Variants in ITGAE observed in about 807,000 individuals in gnomAD.
ITGAE encodes the protein integrin subunit alpha E, also known as integrin alpha-E.
In ITGAE, 99 loss-of-function variants were observed where a neutral mutation model predicts 136.5. The observed-to-expected ratio is 0.73, with a 90% CI of 0.62 to 0.86. ITGAE has a LOEUF of 0.86. ITGAE is among the 40% of genes least tolerant of loss of function. The probability of loss-of-function intolerance (pLI) is 0.00; values close to 1 mark genes in which losing one functional copy is unlikely to be tolerated. For missense variants in ITGAE, 1,447 were observed against 1,515.3 expected (o/e 0.95, Z 0.75); for synonymous variants, 613 against 591.8 (o/e 1.04, Z -0.52).
chr17:3,796,923 C>T (rs2053118656), intron 1 of ITGAE, among the ~76,000 whole-genome samples: 1 of 152,078 alleles, frequency 6.6e-6, no homozygotes, highest in Non-Finnish European at 1.5e-5. Flanking sequence ...GTCCCGACAC[C>T]CCGCCCAGAA....
chr17:3,799,884 G>T lies in ITGAE; in HGVS notation c.34+1227C>A, dbSNP rs1390279626. Among the ~76,000 whole-genome samples the T allele has an allele frequency of 6.6e-6, 1 of 152,200 alleles. No individual in the cohort carries two copies. Among genetic ancestry groups the T allele is most frequent in the Non-Finnish European group, 1.5e-5 (1 of 68,034 alleles). On this transcript the variant is annotated intron_variant, in intron 1 of 30. Transcript: ENST00000263087. The surrounding 1 kb of genome is among the most constrained non-coding windows in gnomAD (Gnocchi z 4.1). ...TCATGCCTGTAGTCCCAACACTTTG[G>T]GAGGCCGAGGCAGGTCGATCACCTG...
rs546892194 is a variant in ITGAE, at chr17:3,776,503, C to T, written c.155+1037G>A. On this transcript the variant is annotated intron_variant, in intron 2 of 30. Coordinates refer to ENST00000263087, the MANE Select transcript of ITGAE (RefSeq NM_002208.5). ...TTGCTCAGGCTATGCGGCAAATCCA[C>T]GGTGAAGCTGCCACTGAACCCTGGC... 3.3e-5 allele frequency among the ~76,000 whole-genome samples: 5 copies of T among 152,350 alleles called. No individual in the cohort carries two copies. In the South Asian group the frequency reaches 8.3e-4, roughly 25 times the overall value.
chr17:3,785,990 A>AC (rs1425680726), intron 1 of ITGAE, among the ~76,000 whole-genome samples: 13 of 151,834 alleles, frequency 8.6e-5, no homozygotes, highest in African/African-American at 3.1e-4. Context: ...ACACGGTGAA[A>AC]CCCCGTCTCT....
chr17:3,763,847 C>T (rs760892542), intron 3 of ITGAE, 22 bp downstream of exon 3: 4 of 1,595,190 alleles, frequency 2.5e-6, no homozygotes, highest in Admixed American at 3.3e-5. Context: ...GGGAGCATTC[C>T]CTGGAGTTGG....
chr17:3,753,316 C>T lies in ITGAE; in HGVS notation c.1642G>A (p.Val548Ile), dbSNP rs933509951. 2 of 1,614,024 alleles carry T rather than the reference C, an allele frequency of 1.2e-6. No individual in the cohort carries two copies. The highest frequency in any genetic ancestry group is 1.1e-5 in the South Asian group (1 of 91,090). ...TGCTCGCTGAGACGGTACACGTAGA[C>T]TCTGCCTTCTTCTCCATGAACGTGG... ...FYHVHGEEGR[V>I]YVYRLSEQDG... Residue 548 changes from valine to isoleucine, a missense_variant, in exon 14 of 31, where the codon GTC becomes ATC. Physicochemically the swap from Val to Ile is conservative, Grantham distance 29. Transcript: ENST00000263087.
chr17:3,783,113 T>C (rs778108418), intron 1 of ITGAE, among the ~76,000 whole-genome samples: 11 of 152,140 alleles, frequency 7.2e-5, no homozygotes, highest in Admixed American at 6.6e-5. Context: ...TCAAGGTGTT[T>C]CTCTGTAACT....
At chr17:3,757,171 G>A (rs374826495) in intron 9 of ITGAE, 37 bp from the exon 10 acceptor site, 19 of 1,604,818 alleles carry the variant, frequency 1.2e-5, no homozygotes, top group East Asian at 1.1e-4. Context: ...TCAGCGCTGC[G>A]TGGATTCCCC....
At chr17:3,795,221 G>C (rs897363924) in intron 1 of ITGAE, among the ~76,000 whole-genome samples, 1 of 152,168 alleles carries the variant, frequency 6.6e-6, no homozygotes, top group African/African-American at 2.4e-5. Flanking sequence ...TCTGGATCAG[G>C]GTGATCTGTG....
At chr17:3,761,363 C>T in intron 5 of ITGAE, 40 bp downstream of exon 5, 1 of 1,583,960 alleles carries the variant, frequency 6.3e-7, no homozygotes, top group East Asian at 2.2e-5. Flanking sequence ...AAGGAGATCT[C>T]TTTAGAGCTA....
intron 26 of ITGAE, chr17:3,725,663 C>T: frequency 6.3e-7 from 1 of 1,595,564 alleles, no homozygotes; most frequent in African/African-American, 1.3e-5. Flanking sequence ...TCCTCAAAGC[C>T]TGGGATCACT....
intron 23 of ITGAE, chr17:3,729,760 A>G: frequency 2.1e-6 from 1 of 474,176 alleles, no homozygotes; most frequent in Non-Finnish European, 3.9e-6. Flanking sequence ...ATACCCAGTT[A>G]ATTTTTGTAT....
At chr17:3,772,508 G>A (rs2052449906) in intron 2 of ITGAE, among the ~76,000 whole-genome samples, 3 of 147,414 alleles carry the variant, frequency 2.0e-5, no homozygotes, top group Admixed American at 6.8e-5. Flanking sequence ...CTGTCGCCCA[G>A]GCTGGAGTGC....
At chr17:3,793,319 G>A (rs1375087333) in intron 1 of ITGAE, among the ~76,000 whole-genome samples, 7 of 151,990 alleles carry the variant, frequency 4.6e-5, no homozygotes, top group Admixed American at 4.6e-4. Context: ...CCAAAGTGCT[G>A]GGATTACAGG....
chr17:3,765,833 C>T (rs1306793046), intron 2 of ITGAE, among the ~76,000 whole-genome samples: 1 of 152,152 alleles, frequency 6.6e-6, no homozygotes, highest in African/African-American at 2.4e-5. Context: ...CACTGTCTTC[C>T]TTGCCGGCAC....
chr17:3,735,368 C>T (rs1218825244), intron 20 of ITGAE, among the ~76,000 whole-genome samples: 2 of 152,104 alleles, frequency 1.3e-5, no homozygotes, highest in African/African-American at 2.4e-5. Flanking sequence ...GGTTTCTCCA[C>T]GTTGGTCAGG....
intron 20 of ITGAE, among the ~76,000 whole-genome samples, chr17:3,735,914 C>T (rs140848994): frequency 5.9e-5 from 9 of 152,076 alleles, no homozygotes; most frequent in Admixed American, 5.2e-4. Context: ...GAGGCCGAGG[C>T]GGGTAGATCA....
At chr17:3,735,060 C>T (rs2051431371) in intron 20 of ITGAE, 111 bp from the exon 21 acceptor site, 6 of 1,204,724 alleles carry the variant, frequency 5.0e-6, no homozygotes, top group Non-Finnish European at 7.2e-6. Flanking sequence ...GTGCAATGAT[C>T]ACGGCTCACC....
chr17:3,755,270 GA>G lies in ITGAE; in HGVS notation c.1240-10del. 6.4e-7 allele frequency: 1 copy of G among 1,568,254 alleles called. No individual in the cohort carries two copies. Among genetic ancestry groups the G allele is most frequent in the Non-Finnish European group, 8.6e-7 (1 of 1,163,546 alleles). On this transcript the variant is annotated splice_polypyrimidine_tract_variant and intron_variant, in intron 11 of 30. Coordinates refer to ENST00000263087, the MANE Select transcript of ITGAE (RefSeq NM_002208.5). ...CCGAGCAGCACCTGCCGCTGAAGGG[GA>G]CGGGGATGGGGCCCAGATGAGTGGG...
chr17:3,796,154 T>TGTGTGCATCC (rs2053092751), intron 1 of ITGAE, among the ~76,000 whole-genome samples: 2 of 133,272 alleles, frequency 1.5e-5, no homozygotes, highest in Non-Finnish European at 3.2e-5. Flanking sequence ...CATCCGTGTG[T>TGTGTGCATCC]GTGTGTGTGT....
Sources: allele counts gnomAD v4.1 joint callset (sites outside exome capture counted in the v4.1 genomes callset), GRCh38; gene constraint gnomAD v4.1.1; non-coding constraint Gnocchi (gnomAD v3.1); transcripts MANE v1.5; gene names NCBI Gene and HGNC (gene_info 2026-07-23, HGNC 2026-07-21).